Variants in BAHD1 observed in about 807,000 individuals in gnomAD.
BAHD1 encodes bromo adjacent homology domain containing 1.
BAHD1 carries 20 observed loss-of-function variants against 63.1 expected under a neutral mutation model. That is an observed-to-expected ratio of 0.32 (90% confidence interval 0.22 to 0.46). BAHD1 has a LOEUF of 0.46. Among genes scored for constraint, BAHD1 ranks in the 20% least tolerant of loss-of-function variants. The pLI is 1.00. For synonymous variants in BAHD1, 408 were observed against 426.8 expected, an observed-to-expected ratio of 0.96 and a Z score of 0.54; for missense variants, 939 against 1,071.8, an observed-to-expected ratio of 0.88 and a Z score of 1.73.
intron 1 of BAHD1, chr15:40,443,164 C>A: frequency 1.5e-6 from 1 of 669,272 alleles, no homozygotes; most frequent in Non-Finnish European, 1.8e-6. Flanking sequence ...TGGTTAGAAG[C>A]CGCTCTCAAC....
At chr15:40,445,290 C>CTT (rs1408024110) in intron 1 of BAHD1, among the ~76,000 whole-genome samples, 3 of 146,724 alleles carry the variant, frequency 2.0e-5, no homozygotes, top group Non-Finnish European at 4.5e-5. Context: ...CCCTTTCACA[C>CTT]CTTCTCTGGT....
intron 1 of BAHD1, among the ~76,000 whole-genome samples, chr15:40,450,135 A>G (rs1893660037): frequency 6.6e-6 from 1 of 152,228 alleles, no homozygotes; most frequent in African/African-American, 2.4e-5. Context: ...ACCTGTCCCC[A>G]TAGGGCTGGC....
Position 40,461,992 on chromosome 15 carries a change from G to T in BAHD1, c.1513G>T (p.Gly505Trp). ...AGCCTCACCCGCCCACCCACTCCTG[G>T]GGTGCCCTGTACCCAGTGTGCCACC... is the stretch of plus-strand genomic sequence containing the variant. ...HPASPAHPLL[G>W]CPVPSVPPAA... The change falls in exon 3 of 7, where the codon GGG (glycine) becomes TGG (tryptophan). Residue 505 changes from glycine (G) to tryptophan (W), a missense_variant. Transcript: ENST00000416165. 2 of 1,613,716 alleles carry T rather than the reference G, an allele frequency of 1.2e-6. No homozygotes were observed. Among genetic ancestry groups the T allele is most frequent in the Non-Finnish European group, 1.7e-6 (2 of 1,179,926 alleles).
chr15:40,443,524 G>A (rs1893458712), intron 1 of BAHD1, among the ~76,000 whole-genome samples: 1 of 152,186 alleles, frequency 6.6e-6, no homozygotes, highest in African/African-American at 2.4e-5. Flanking sequence ...TGCCCAAATA[G>A]CATTTCCCTC....
At position 40,464,960 on chromosome 15, in the gene BAHD1, A is replaced by G. The variant is rs180834959; in HGVS notation, c.2053-375A>G. ...GGCTCTCCACCAAGCTGTGTGCTAA[A>G]AGAGGTGACTGCCATCTGTGTGTGC... On this transcript the variant is annotated intron_variant, in intron 5 of 6. Coordinates refer to ENST00000416165, the MANE Select transcript of BAHD1 (RefSeq NM_014952.5). 2.7e-4 allele frequency: 100 copies of G among 374,826 alleles called. No individual in the cohort carries two copies. In the East Asian group the frequency reaches 5.5e-3, roughly 21 times the overall value. 23.2% of individuals were successfully genotyped at this position (374,826 alleles called of 1,614,324 possible). A position where few individuals can be genotyped will look rare whatever the true frequency, so the allele number is the denominator to read the frequency against.
intron 1 of BAHD1, among the ~76,000 whole-genome samples, chr15:40,457,918 C>G (rs1316210649): frequency 6.6e-6 from 1 of 152,160 alleles, no homozygotes; most frequent in Non-Finnish European, 1.5e-5. Context: ...GAGGCTGAGG[C>G]AGGAGAATGG....
chr15:40,465,333 A>C lies in BAHD1; in HGVS notation c.2053-2A>C, dbSNP rs1394305119. Reference sequence around the variant, plus strand: ...AACAACCTCCACCTGTCTCCCTTTGAGCCCTTGCAGAATGAAGTGTTTGCA... The same window carrying C: ...AACAACCTCCACCTGTCTCCCTTTGCGCCCTTGCAGAATGAAGTGTTTGCA... On this transcript the variant is annotated splice_acceptor_variant, in intron 5 of 6. Transcript: ENST00000416165. LOFTEE classifies it high-confidence loss of function. The C allele has an allele frequency of 6.2e-7, 1 of 1,613,990 alleles. No individual in the cohort carries two copies. The highest frequency in any genetic ancestry group is 2.2e-5 in the East Asian group (1 of 44,880).
At chr15:40,437,673 A>C (rs987296301), upstream of BAHD1, among the ~76,000 whole-genome samples, 1 of 152,202 alleles carries the variant, frequency 6.6e-6, no homozygotes, top group African/African-American at 2.4e-5. Context: ...GGACCTGGGC[A>C]GGGGCTGGAG....
chr15:40,461,633 C>CT (rs1389511818), intron 2 of BAHD1, among the ~76,000 whole-genome samples: 2 of 151,330 alleles, frequency 1.3e-5, no homozygotes, highest in Non-Finnish European at 2.9e-5. Flanking sequence ...GAGCGAGACT[C>CT]TGTCTCAAAA....
At chr15:40,460,370 G>C (rs916222993) in intron 2 of BAHD1, among the ~76,000 whole-genome samples, 1 of 152,094 alleles carries the variant, frequency 6.6e-6, no homozygotes, top group African/African-American at 2.4e-5. Context: ...TGGGAAAGGT[G>C]GTAGGTACCA....
upstream of BAHD1, among the ~76,000 whole-genome samples, chr15:40,437,656 G>T (rs1240952013): frequency 1.3e-5 from 2 of 152,244 alleles, no homozygotes; most frequent in African/African-American, 2.4e-5. Context: ...TTCCAGGAAA[G>T]AAGGTGGGAC....
Position 40,466,136 on chromosome 15 carries a change from T to G in BAHD1, c.*6T>G, listed in dbSNP as rs1423360596. The G allele has an allele frequency of 6.2e-7, 1 of 1,610,664 alleles. No homozygotes were observed. Among genetic ancestry groups the G allele is most frequent in the South Asian group, 1.1e-5 (1 of 90,604 alleles). On this transcript the variant is annotated 3_prime_UTR_variant, in exon 7 of 7. Coordinates refer to ENST00000416165, the MANE Select transcript of BAHD1 (RefSeq NM_014952.5). ...TCCTTAAGAACCCCCAGTAGCCTCC[T>G]CATGCCCATGCTGGGGCTACCCATG...
At chr15:40,447,252 T>C (rs1893565021) in intron 1 of BAHD1, among the ~76,000 whole-genome samples, 1 of 152,058 alleles carries the variant, frequency 6.6e-6, no homozygotes, top group South Asian at 2.1e-4. Context: ...CCACATTGGC[T>C]AGAATGTAAA....
Position 40,459,574 on chromosome 15 carries a change from G to T in BAHD1, c.1110G>T (p.Gly370=). The part of the protein sequence containing the change: ...NPADYNGLCV[G]PELTALGSFY... ...CCGACTACAATGGCCTGTGTGTTGG[G>T]CCTGAGCTCACTGCACTAGGCAGCT... The change falls in exon 2 of 7, where the codon GGG becomes GGT. Residue 370 remains glycine, a synonymous_variant. Transcript: ENST00000416165. 1 of 1,614,186 alleles carries T rather than the reference G, an allele frequency of 6.2e-7. No individual in the cohort carries two copies. Among genetic ancestry groups the T allele is most frequent in the Middle Eastern group, 1.6e-4 (1 of 6,062 alleles).
At chr15:40,461,845 C>T in intron 2 of BAHD1, 67 bp from the exon 3 acceptor site, 1 of 1,510,922 alleles carries the variant, frequency 6.6e-7, no homozygotes, top group African/African-American at 1.4e-5. Context: ...CAGGAGCAGG[C>T]TCTGAAAGCA....
At chr15:40,439,724 C>A (rs1005701289), upstream of BAHD1, 21 of 152,314 alleles carry the variant, frequency 1.4e-4, no homozygotes, top group African/African-American at 5.1e-4. Flanking sequence ...CTCAGCATTT[C>A]TCGAGAACCT....
rs1408507981 is a variant in BAHD1 at position 40,464,649 on chromosome 15, A to G, written c.2052+102A>G. 8 of 976,936 alleles carry G rather than the reference A, an allele frequency of 8.2e-6. No individual in the cohort carries two copies. The South Asian group carries it at 1.1e-4, about 14-fold the overall frequency. 60.5% of individuals were successfully genotyped at this position (976,936 alleles called of 1,614,324 possible). ...GGAGGGCAGCCATGGGCTGTAGTCA[A>G]ATCCCTGCGCTTGTCACTTTGGACT... On this transcript the variant is annotated intron_variant, in intron 5 of 6. Transcript: ENST00000416165.
intron 1 of BAHD1, among the ~76,000 whole-genome samples, chr15:40,447,635 TGA>T (rs1358361356): frequency 6.6e-6 from 1 of 151,608 alleles, no homozygotes; most frequent in Non-Finnish European, 1.5e-5. Flanking sequence ...ATTGAATAAC[TGA>T]GAGATGATTT....
At chr15:40,444,733 G>C (rs1216989331) in intron 1 of BAHD1, among the ~76,000 whole-genome samples, 1 of 152,092 alleles carries the variant, frequency 6.6e-6, no homozygotes, top group African/African-American at 2.4e-5. Flanking sequence ...GCTCTCTCAG[G>C]CTTCTGTTTT....
Sources: allele counts gnomAD v4.1 joint callset (sites outside exome capture counted in the v4.1 genomes callset), GRCh38; gene constraint gnomAD v4.1.1; transcripts MANE v1.5; gene names NCBI Gene and HGNC (gene_info 2026-07-23, HGNC 2026-07-21).